The following WWOX variants were observed in gnomAD, a reference collection of about 807,000 sequenced individuals.
WWOX encodes the protein WW domain-containing oxidoreductase.
WWOX carries 69 observed loss-of-function variants against 46.2 expected under a neutral mutation model. The ratio of observed to expected loss-of-function variants is 1.49; its 90% confidence interval spans 1.23 to 1.82. WWOX has a LOEUF of 1.82. WWOX is among the 40% of genes most tolerant of loss of function. The pLI is 0.00. For synonymous variants in WWOX, 359 were observed against 202.6 expected (o/e 1.77, Z -6.56); for missense variants, 919 against 542.6 (o/e 1.69, Z -6.89).
intron 8 of WWOX, among the ~76,000 whole-genome samples, chr16:79,117,953 G>C (rs1567561549): frequency 6.6e-6 from 1 of 152,208 alleles, no homozygotes; most frequent in East Asian, 1.9e-4. Flanking sequence ...TCATATGGGT[G>C]ATAACGCTGT....
intron 8 of WWOX, among the ~76,000 whole-genome samples, chr16:78,982,886 C>T (rs985039377): frequency 7.2e-5 from 11 of 152,106 alleles, no homozygotes; most frequent in Admixed American, 5.9e-4. Context: ...ATTTTGATTT[C>T]TGTGTGGTGA....
intron 8 of WWOX, among the ~76,000 whole-genome samples, chr16:78,705,126 A>C (rs989087859): frequency 6.6e-6 from 1 of 152,122 alleles, no homozygotes; most frequent in African/African-American, 2.4e-5. Context: ...TCAGTGTTAG[A>C]GAAAAGGCTG....
At chr16:78,620,772 C>T (rs561775462) in intron 8 of WWOX, among the ~76,000 whole-genome samples, 1 of 152,070 alleles carries the variant, frequency 6.6e-6, no homozygotes, top group African/African-American at 2.4e-5. Context: ...GCTCTGCTGG[C>T]AAGTGTGTCA....
chr16:79,196,999 C>T (rs1425790590), intron 8 of WWOX, among the ~76,000 whole-genome samples: 1 of 152,134 alleles, frequency 6.6e-6, no homozygotes, highest in Non-Finnish European at 1.5e-5. Context: ...GCAGTATTAA[C>T]TGAGGCAACG....
chr16:78,509,590 A>G (rs1057247567), intron 8 of WWOX, among the ~76,000 whole-genome samples: 3 of 152,162 alleles, frequency 2.0e-5, no homozygotes, highest in East Asian at 3.8e-4. Context: ...GCCAGTGTGC[A>G]ATGCTTCCCA....
intron 8 of WWOX, among the ~76,000 whole-genome samples, chr16:79,054,180 A>G (rs977612680): frequency 6.6e-6 from 1 of 152,212 alleles, no homozygotes; most frequent in Non-Finnish European, 1.5e-5. Context: ...GCATGTACCA[A>G]TATATAGCTC....
At chr16:78,641,286 A>T (rs1392625448) in intron 8 of WWOX, among the ~76,000 whole-genome samples, 1 of 152,060 alleles carries the variant, frequency 6.6e-6, no homozygotes, top group African/African-American at 2.4e-5. Flanking sequence ...CCGGAGCCAC[A>T]ATCAAATGCA....
At chr16:78,543,612 G>A (rs1391708465) in intron 8 of WWOX, among the ~76,000 whole-genome samples, 1 of 152,176 alleles carries the variant, frequency 6.6e-6, no homozygotes, top group East Asian at 1.9e-4. Flanking sequence ...GACTTGGAAT[G>A]CAAAAACCTA....
intron 8 of WWOX, among the ~76,000 whole-genome samples, chr16:78,478,097 T>G (rs1295262795): frequency 6.6e-6 from 1 of 152,174 alleles, no homozygotes; most frequent in East Asian, 1.9e-4. Flanking sequence ...AACTGAGTTA[T>G]AAAAATGTTT....
rs149940474 is a variant in WWOX at position 78,481,764 on chromosome 16, T to TGTGTGTGC, written c.1056+49013_1056+49014insTGTGTGCG. 7.7e-3 allele frequency among the ~76,000 whole-genome samples: 1,139 copies of TGTGTGTGC among 147,922 alleles called. 6 individuals carry two copies. The highest frequency in any genetic ancestry group is 0.018 in the Middle Eastern group (5 of 282). ...GTGTGTGTGTGTGTGTGTGTGTGTGTGCGCGCGCCTGCATGTGTACTGTGG... is the reference window on the plus strand; with the variant it reads ...GTGTGTGTGTGTGTGTGTGTGTGTGTGTGTGTGCGCGCGCGCCTGCATGTGTACTGTGG... On this transcript the variant is annotated intron_variant, in intron 8 of 8. Transcript: ENST00000566780.
At chr16:78,169,631 C>G (rs2035087831) in intron 5 of WWOX, among the ~76,000 whole-genome samples, 2 of 151,978 alleles carry the variant, frequency 1.3e-5, no homozygotes, top group African/African-American at 2.4e-5. Flanking sequence ...TATTAGATTT[C>G]TAAATTTTAG....
chr16:79,142,334 G>T (rs1448708827), intron 8 of WWOX, among the ~76,000 whole-genome samples: 2 of 152,146 alleles, frequency 1.3e-5, no homozygotes, highest in East Asian at 3.9e-4. Context: ...GCTCAATTTT[G>T]TGCTGGAACT....
chr16:78,916,905 G>C (rs1285994184), intron 8 of WWOX, among the ~76,000 whole-genome samples: 4 of 152,132 alleles, frequency 2.6e-5, no homozygotes, highest in East Asian at 3.8e-4. Flanking sequence ...ATATAGGTGT[G>C]GTAAGGGGAT....
At chr16:79,020,550 A>C (rs992278188) in intron 8 of WWOX, among the ~76,000 whole-genome samples, 1 of 152,176 alleles carries the variant, frequency 6.6e-6, no homozygotes, top group Non-Finnish European at 1.5e-5. Flanking sequence ...CATACAACAC[A>C]ATCTATAAAT....
chr16:78,212,749 A>G (rs1294912032), intron 5 of WWOX, among the ~76,000 whole-genome samples: 3 of 152,182 alleles, frequency 2.0e-5, no homozygotes, highest in African/African-American at 7.2e-5. Context: ...ACAGTCTGGT[A>G]ATGCTGGAAG....
At chr16:78,151,564 A>G (rs2034408941) in intron 4 of WWOX, among the ~76,000 whole-genome samples, 1 of 152,214 alleles carries the variant, frequency 6.6e-6, no homozygotes, top group African/African-American at 2.4e-5. Context: ...CATCCTTTGT[A>G]TAAATCAGGA....
intron 8 of WWOX, among the ~76,000 whole-genome samples, chr16:78,709,239 C>G (rs1415096470): frequency 6.6e-6 from 1 of 152,166 alleles, no homozygotes; most frequent in Non-Finnish European, 1.5e-5. Context: ...TAACACAATG[C>G]TTTTATCCCG....
chr16:78,730,056 C>A (rs2048932880), intron 8 of WWOX, among the ~76,000 whole-genome samples: 2 of 152,112 alleles, frequency 1.3e-5, no homozygotes, highest in African/African-American at 4.8e-5. Context: ...TTTGATATAT[C>A]CATTTTTTAG....
intron 8 of WWOX, among the ~76,000 whole-genome samples, chr16:79,158,495 C>G (rs960858641): frequency 2.3e-5 from 3 of 132,150 alleles, no homozygotes; most frequent in Non-Finnish European, 4.5e-5. Flanking sequence ...ACCACACTTA[C>G]AAATACAACT....
Sources: gnomAD v4.1 joint callset for allele counts (sites outside exome capture counted in the v4.1 genomes callset) on GRCh38, gnomAD v4.1.1 for gene constraint, MANE v1.5 for transcripts, NCBI Gene and HGNC (gene_info 2026-07-23, HGNC 2026-07-21) for gene names.